The following TTN variants were observed in gnomAD, a reference collection of about 807,000 sequenced individuals.
TTN encodes the protein titin.
TTN carries 1,525 observed loss-of-function variants against 3,223.0 expected under a neutral mutation model. The observed-to-expected ratio is 0.47, with a 90% CI of 0.45 to 0.49. The LOEUF (loss-of-function observed/expected upper bound fraction) is 0.49, where lower values mean the gene tolerates loss of function less well. TTN is among the 20% of genes least tolerant of loss of function. The probability of loss-of-function intolerance (pLI) is 0.00; values close to 1 mark genes in which losing one functional copy is unlikely to be tolerated. For synonymous variants in TTN, 14,094 were observed against 15,161.0 expected, an observed-to-expected ratio of 0.93 and a Z score of 5.17; for missense variants, 40,786 against 43,424.0, an observed-to-expected ratio of 0.94 and a Z score of 5.40.
Position 178,719,611 on chromosome 2 carries a change from A to G in TTN, c.23881T>C (p.Phe7961Leu). The change falls in exon 82 of 363, where the codon TTT (phenylalanine) becomes CTT (leucine). Residue 7961 changes from phenylalanine (F) to leucine (L), a missense_variant. By Grantham distance (22) the Phe-to-Leu change is conservative. Coordinates refer to ENST00000589042, the MANE Select transcript of TTN (RefSeq NM_001267550.2). Reference sequence around the variant, plus strand: ...TTGCCAACACTGTTTTTCACTTCAAAGCTATATAATCCTTTGTCACTCATT... The same window carrying G: ...TTGCCAACACTGTTTTTCACTTCAAGGCTATATAATCCTTTGTCACTCATT... The part of the protein sequence containing the change: ...AEMSDKGLYS[F>L]EVKNSVGKSN... 6.2e-6 allele frequency: 10 copies of G among 1,613,472 alleles called. No individual in the cohort carries two copies. Among genetic ancestry groups the G allele is most frequent in the Non-Finnish European group, 8.5e-6 (10 of 1,179,504 alleles).
rs1353297321 is a variant in TTN, at chr2:178,568,054, G to A, written c.78078C>T (p.His26026=). Residue 26026 remains histidine, a synonymous_variant, in exon 326 of 363, where the codon CAC becomes CAT. Coordinates refer to ENST00000589042, the MANE Select transcript of TTN (RefSeq NM_001267550.2). ...NNGGSPVIGY[H]LERKERNSIL... Reference sequence around the variant, plus strand: ...TACTGTTTCTTTCTTTTCTCTCCAGGTGGTAACCTATGACGGGGCTTCCAC... The same window carrying A: ...TACTGTTTCTTTCTTTTCTCTCCAGATGGTAACCTATGACGGGGCTTCCAC... 6.2e-7 allele frequency: 1 copy of A among 1,613,330 alleles called. No homozygotes were observed. The highest frequency in any genetic ancestry group is 8.5e-7 in the Non-Finnish European group (1 of 1,179,594).
chr2:178,614,400 A>ATTTTTTTTT, intron 261 of TTN, 52 bp from the exon 262 acceptor site: 1 of 1,576,086 alleles, frequency 6.3e-7, no homozygotes, highest in Non-Finnish European at 8.6e-7. Flanking sequence ...CATTTTTTTT[A>ATTTTTTTTT]TTTTTTTCTT....
chr2:178,741,945 AT>A (rs1213563357), intron 47 of TTN, 24 bp from the exon 48 acceptor site: 23 of 1,377,300 alleles, frequency 1.7e-5, no homozygotes, highest in Non-Finnish European at 2.1e-5. Flanking sequence ...AATGATTATT[AT>A]TTTACTATAA....
intron 11 of TTN, among the ~76,000 whole-genome samples, chr2:178,790,426 A>G (rs572571088): frequency 6.6e-6 from 1 of 152,236 alleles, no homozygotes; most frequent in Non-Finnish European, 1.5e-5. Flanking sequence ...TAAATAGCAC[A>G]TAATTTTTTG....
chr2:178,676,291 C>T (rs958673984), intron 147 of TTN, among the ~76,000 whole-genome samples: 1 of 151,856 alleles, frequency 6.6e-6, no homozygotes, highest in African/African-American at 2.4e-5. Context: ...AATATCATTT[C>T]ATACATTTAA....
At chr2:178,723,783 T>C in intron 73 of TTN, 73 bp downstream of exon 73, 1 of 1,536,812 alleles carries the variant, frequency 6.5e-7, no homozygotes. Context: ...CACTTTCAAA[T>C]GTTTGTCAAC....
Position 178,533,311 on chromosome 2 carries a change from C to G in TTN, c.103304G>C (p.Arg34435Thr). The G allele has an allele frequency of 6.2e-7, 1 of 1,613,886 alleles. No individual in the cohort carries two copies. Among genetic ancestry groups the G allele is most frequent in the Middle Eastern group, 1.6e-4 (1 of 6,062 alleles). The change falls in exon 358 of 363, where the codon AGA becomes ACA. Residue 34435 changes from arginine to threonine, a missense_variant. Physicochemically the swap from Arg to Thr is moderately conservative, Grantham distance 71. Coordinates refer to ENST00000589042, the MANE Select transcript of TTN (RefSeq NM_001267550.2). Reference sequence around the variant, plus strand: ...CCCAGCTGTGTTAGTGGCTGTGACTCTATAATAACCCGTGTCTTCAGGCAA... The same window carrying G: ...CCCAGCTGTGTTAGTGGCTGTGACTGTATAATAACCCGTGTCTTCAGGCAA... ...DTLPEDTGYY[R>T]VTATNTAGST...
rs878854286 is a variant in TTN at position 178,740,403 on chromosome 2, C to T, written c.12830G>A (p.Ser4277Asn). 3.1e-6 allele frequency: 5 copies of T among 1,613,064 alleles called. No homozygotes were observed. The highest frequency in any genetic ancestry group is 4.2e-6 in the Non-Finnish European group (5 of 1,179,448). Residue 4277 changes from serine to asparagine, a missense_variant, in exon 48 of 363, where the codon AGT becomes AAT. Coordinates refer to ENST00000589042, the MANE Select transcript of TTN (RefSeq NM_001267550.2). ...LAEGHVESLQ[S>N]PDVMISQVNY... ...TACCTGAGAGATCATGACATCAGGA[C>T]TCTGGAGACTCTCCACGTGTCCCTC...
intron 2 of TTN, among the ~76,000 whole-genome samples, chr2:178,803,252 G>T (rs2094153102): frequency 1.3e-5 from 2 of 152,050 alleles, no homozygotes; most frequent in South Asian, 4.1e-4. Context: ...ATGGGTATTG[G>T]ATATTTTCAG....
chr2:178,590,929 T>C lies in TTN; in HGVS notation c.60796A>G (p.Lys20266Glu), dbSNP rs763212024. Residue 20266 changes from lysine (K) to glutamate (E), a missense_variant, in exon 304 of 363, where the codon AAG (lysine) becomes GAG (glutamate). Lys to Glu is a moderately conservative substitution (Grantham distance 56, BLOSUM62 1). Coordinates refer to ENST00000589042, the MANE Select transcript of TTN (RefSeq NM_001267550.2). ...GGAGACGGAGGACTAAATTTATGCT[T>C]AGCAACAGTAGGTGTGGAGTCAAGG... Reference protein sequence around the residue: ...PPLDSTPTVAKHKFSPPSPPG... With the variant: ...PPLDSTPTVAEHKFSPPSPPG... 11 of 1,613,014 alleles carry C rather than the reference T, an allele frequency of 6.8e-6. No individual in the cohort carries two copies. In the African/African-American group the frequency reaches 1.1e-4, roughly 16 times the overall value.
Position 178,618,509 on chromosome 2 carries a change from A to T in TTN, c.46967-18T>A. ...AGGAACATCTGAAATTCACATATAG[A>T]GGAATTTTTTTAGTGTGCTGTCTTG... On this transcript the variant is annotated intron_variant, in intron 251 of 362. Transcript: ENST00000589042. 1 of 1,609,784 alleles carries T rather than the reference A, an allele frequency of 6.2e-7. No homozygotes were observed. The highest frequency in any genetic ancestry group is 1.3e-5 in the African/African-American group (1 of 74,558).
At chr2:178,743,007 T>A (rs2082769866) in intron 47 of TTN, 1 of 152,090 alleles carries the variant, frequency 6.6e-6, no homozygotes, top group Non-Finnish European at 1.5e-5. Context: ...AAACCATTGA[T>A]AATTTTACAT....
rs189459452 is a variant in TTN at position 178,584,418 on chromosome 2, A to G, written c.65133T>C (p.Asp21711=). The change falls in exon 311 of 363, where the codon GAT becomes GAC. Residue 21711 remains aspartate, a synonymous_variant. Transcript: ENST00000589042. ...RNSLLWVKAN[D]TLVRSTEYPC... The stretch of plus-strand genomic sequence containing the variant: ...GATATTCAGTTGACCGGACAAGAGT[A>G]TCATTGGCTTTCACCCACAGCAAAC... 1 of 1,613,368 alleles carries G rather than the reference A, an allele frequency of 6.2e-7. No homozygotes were observed. Among genetic ancestry groups the G allele is most frequent in the African/African-American group, 1.3e-5 (1 of 75,010 alleles).
In TTN at chr2:178,600,848, A is replaced by G; in HGVS notation, c.56050+6T>C. 6.2e-7 allele frequency: 1 copy of G among 1,612,698 alleles called. No individual in the cohort carries two copies. The highest frequency in any genetic ancestry group is 1.1e-5 in the South Asian group (1 of 91,040). On this transcript the variant is annotated splice_donor_region_variant and intron_variant, in intron 288 of 362. Coordinates refer to ENST00000589042, the MANE Select transcript of TTN (RefSeq NM_001267550.2). ...GGACATTCTTTGTCAGTACATTGGT[A>G]CTTACATGTCTGGTCTTTGACAGTC...
Position 178,675,738 on chromosome 2 carries a change from C to G in TTN, c.34470G>C (p.Lys11490Asn), listed in dbSNP as rs2067942057. Residue 11490 changes from lysine to asparagine, a missense_variant, in exon 149 of 363, where the codon AAG (lysine) becomes AAC (asparagine). Lys to Asn is a moderately conservative substitution (Grantham distance 94, BLOSUM62 0). Transcript: ENST00000589042. ...APPAKVSVVP[K>N]KPEPEKKVPP... ...GGACCTTCTTTTCTGGCTCAGGTTT[C>G]TTAGGTACCACAGACACTTTAAAAA... 6.9e-7 allele frequency: 1 copy of G among 1,441,582 alleles called. No homozygotes were observed. Among genetic ancestry groups the G allele is most frequent in the Admixed American group, 2.7e-5 (1 of 37,278 alleles). 89.3% of individuals were successfully genotyped at this position (1,441,582 alleles called of 1,614,324 possible).
At chr2:178,676,076 G>A (rs1273160146) in intron 147 of TTN, 81 bp from the exon 148 acceptor site, 2 of 1,328,710 alleles carry the variant, frequency 1.5e-6, no homozygotes, top group East Asian at 2.5e-5. Flanking sequence ...CACCCAGAAA[G>A]ACCAATGTGT....
At chr2:178,748,158 G>C in intron 47 of TTN, 3 of 1,613,152 alleles carry the variant, frequency 1.9e-6, no homozygotes, top group Non-Finnish European at 2.5e-6. Context: ...TTCTCAGAAA[G>C]ATCAGTTTCT....
chr2:178,773,314 C>G lies in TTN; in HGVS notation c.7650G>C (p.Val2550=), dbSNP rs2091803220. Residue 2550 remains valine, a synonymous_variant, in exon 33 of 363, where the codon GTG becomes GTC. Transcript: ENST00000589042. ...RDLTCTETQN[V]VFEVELSHSG... ...AGTGGGACAGCTCAACCTCAAACAC[C>G]ACATTTTGAGTTTCTGTACAGGTAA... The G allele has an allele frequency of 6.2e-7, 1 of 1,613,924 alleles. No homozygotes were observed.
In TTN at chr2:178,552,797, G is replaced by A. The variant is rs397517747; in HGVS notation, c.90103C>T (p.Arg30035Cys). 6.2e-6 allele frequency: 10 copies of A among 1,613,886 alleles called. No homozygotes were observed. The highest frequency in any genetic ancestry group is 2.2e-5 in the East Asian group (1 of 44,858). ...GTTGAGTCTTTCATTGAGAGATCAC[G>A]TATAGGAGCTGGTACTTCAGCAGCC... ...VKAAEVPAPI[R>C]DLSMKDSTKT... Residue 30035 changes from arginine to cysteine, a missense_variant, in exon 335 of 363, where the codon CGT (arginine) becomes TGT (cysteine). Coordinates refer to ENST00000589042, the MANE Select transcript of TTN (RefSeq NM_001267550.2).
Sources: gnomAD v4.1 joint callset for allele counts (sites outside exome capture counted in the v4.1 genomes callset) on GRCh38, gnomAD v4.1.1 for gene constraint, MANE v1.5 for transcripts, NCBI Gene and HGNC (gene_info 2026-07-23, HGNC 2026-07-21) for gene names.